Variants in KIAA1217 observed in about 807,000 individuals in gnomAD.
The protein encoded by KIAA1217 is KIAA1217.
Under a neutral mutation model 163.9 loss-of-function variants are expected in KIAA1217, and 88 were observed. The observed-to-expected ratio is 0.54, with a 90% CI of 0.45 to 0.64. KIAA1217 has a LOEUF of 0.64. Ranked by LOEUF, KIAA1217 falls within the 30% of genes least tolerant of loss-of-function variation. The pLI is 0.00. For synonymous variants in KIAA1217, 903 were observed against 923.1 expected (o/e 0.98, Z 0.39); for missense variants, 2,372 against 2,475.0 (o/e 0.96, Z 0.88).
intron 2 of KIAA1217, among the ~76,000 whole-genome samples, chr10:24,276,683 C>T (rs2077332459): frequency 6.6e-6 from 1 of 151,400 alleles, no homozygotes; most frequent in Non-Finnish European, 1.5e-5. Context: ...GATCTCGGCT[C>T]ACAGCAACCT....
intron 1 of KIAA1217, among the ~76,000 whole-genome samples, chr10:23,895,500 C>T (rs1412861789): frequency 6.6e-6 from 1 of 152,090 alleles, no homozygotes; most frequent in Admixed American, 6.6e-5. Context: ...ACAACAGGTA[C>T]TGGAGAGGAT....
At position 24,270,731 on chromosome 10, in the gene KIAA1217, G is replaced by A. The variant is rs557468726; in HGVS notation, c.354+50822G>A. 2.6e-5 allele frequency among the ~76,000 whole-genome samples: 4 copies of A among 152,132 alleles called. No homozygotes were observed. In the South Asian group the frequency reaches 8.3e-4, roughly 32 times the overall value. Reference sequence around the variant, plus strand: ...AATTTTTGTTTTATTTTTTTTAGTAGTTATGGGGTTTCACCATGTTACCCA... The same window carrying A: ...AATTTTTGTTTTATTTTTTTTAGTAATTATGGGGTTTCACCATGTTACCCA... On this transcript the variant is annotated intron_variant, in intron 2 of 20. Transcript: ENST00000376454.
chr10:24,189,935 T>C (rs1165010688), intron 2 of KIAA1217, among the ~76,000 whole-genome samples: 1 of 151,670 alleles, frequency 6.6e-6, no homozygotes, highest in Non-Finnish European at 1.5e-5. Flanking sequence ...GCAGGAAGAT[T>C]GATTGAGCCA....
At chr10:24,431,838 C>T (rs1298830680) in intron 3 of KIAA1217, among the ~76,000 whole-genome samples, 1 of 152,158 alleles carries the variant, frequency 6.6e-6, no homozygotes, top group South Asian at 2.1e-4. Flanking sequence ...CCACATACCC[C>T]CTGGGAACTC....
intron 2 of KIAA1217, among the ~76,000 whole-genome samples, chr10:24,071,424 T>C (rs1438900700): frequency 6.6e-6 from 1 of 152,124 alleles, no homozygotes; most frequent in Non-Finnish European, 1.5e-5. Flanking sequence ...TCTTAAGTAA[T>C]CTCAGCATTT....
chr10:23,910,213 G>A (rs1297522508), intron 1 of KIAA1217, among the ~76,000 whole-genome samples: 4 of 151,796 alleles, frequency 2.6e-5, no homozygotes, highest in Non-Finnish European at 5.9e-5. Flanking sequence ...TGGGTTGATG[G>A]GTGCAACAAA....
chr10:23,887,972 A>C (rs1264793154), intron 1 of KIAA1217, among the ~76,000 whole-genome samples: 1 of 151,960 alleles, frequency 6.6e-6, no homozygotes, highest in Non-Finnish European at 1.5e-5. Context: ...AAATCTCATA[A>C]ATTTTGATAC....
chr10:23,934,380 G>A (rs1460102021), intron 1 of KIAA1217, among the ~76,000 whole-genome samples: 3 of 150,936 alleles, frequency 2.0e-5, no homozygotes, highest in African/African-American at 4.9e-5. Context: ...GGGCCTGTTG[G>A]GGGGTGAGGG....
In KIAA1217 at chr10:24,097,118, C is replaced by A. The variant is rs1456075662; in HGVS notation, c.-171+89744C>A. Reference sequence around the variant, plus strand: ...CATGTGCAAGAAAGATTGGGGAAACCAACAACACTATTATAATGTAATAGG... The same window carrying A: ...CATGTGCAAGAAAGATTGGGGAAACAAACAACACTATTATAATGTAATAGG... On this transcript the variant is annotated intron_variant, in intron 2 of 18. Coordinates refer to the KIAA1217 transcript ENST00000376462. Among the ~76,000 whole-genome samples the A allele has an allele frequency of 2.0e-5, 3 of 152,036 alleles. 1 individual carries two copies. The highest frequency in any genetic ancestry group is 6.3e-3 in the Middle Eastern group (2 of 316).
intron 1 of KIAA1217, among the ~76,000 whole-genome samples, chr10:23,762,968 C>A (rs1277037314): frequency 1.3e-5 from 2 of 152,002 alleles, no homozygotes; most frequent in African/African-American, 2.4e-5. Flanking sequence ...TCCTATACAC[C>A]AATAGAGAAG....
intron 2 of KIAA1217, among the ~76,000 whole-genome samples, chr10:24,108,602 T>C (rs1436714023): frequency 6.6e-6 from 1 of 152,180 alleles, no homozygotes; most frequent in Admixed American, 6.5e-5. Context: ...GGCTTTTTTA[T>C]GGAATGATAA....
intron 2 of KIAA1217, among the ~76,000 whole-genome samples, chr10:24,172,639 A>G (rs540579961): frequency 6.6e-6 from 1 of 152,342 alleles, no homozygotes; most frequent in East Asian, 1.9e-4. Context: ...GCACATCATA[A>G]GACTATATAG....
At chr10:24,264,179 TACA>T (rs1290439055) in intron 2 of KIAA1217, among the ~76,000 whole-genome samples, 2 of 152,254 alleles carry the variant, frequency 1.3e-5, no homozygotes, top group African/African-American at 4.8e-5. Context: ...TCTAAATCCA[TACA>T]ACGAGTACAG....
At chr10:23,832,262 G>GT (rs766111936) in intron 1 of KIAA1217, among the ~76,000 whole-genome samples, 1 of 152,266 alleles carries the variant, frequency 6.6e-6, no homozygotes, top group South Asian at 2.1e-4. Context: ...ACAATTACTG[G>GT]TCTATTATAA....
At chr10:24,266,080 CTT>C (rs879826505) in intron 2 of KIAA1217, among the ~76,000 whole-genome samples, 17 of 141,036 alleles carry the variant, frequency 1.2e-4, no homozygotes, top group South Asian at 2.3e-4. Context: ...AAAGGCTGAT[CTT>C]TTTTTTTTTT....
chr10:23,995,046 G>A (rs576248425), intron 1 of KIAA1217, among the ~76,000 whole-genome samples: 2 of 152,270 alleles, frequency 1.3e-5, no homozygotes, highest in South Asian at 4.1e-4. Context: ...TCCAATCCAT[G>A]TTATTAAAAT....
At chr10:24,247,791 G>A (rs2131423509) in intron 2 of KIAA1217, among the ~76,000 whole-genome samples, 1 of 152,224 alleles carries the variant, frequency 6.6e-6, no homozygotes, top group East Asian at 1.9e-4. Context: ...ACAGAGTGAG[G>A]CTCCGTCTTA....
At chr10:24,503,511 A>T (rs1409943624) in intron 9 of KIAA1217, among the ~76,000 whole-genome samples, 1 of 152,206 alleles carries the variant, frequency 6.6e-6, no homozygotes, top group African/African-American at 2.4e-5. Context: ...ACAGCAAGTG[A>T]AATGGAGGAG....
Position 24,515,385 on chromosome 10 carries a change from T to TAA in KIAA1217, c.2177+1955_2177+1956dup, listed in dbSNP as rs1564837990. 8.0e-3 allele frequency among the ~76,000 whole-genome samples: 1,220 copies of TAA among 152,042 alleles called. 15 individuals carry two copies. Among genetic ancestry groups the TAA allele is most frequent in the African/African-American group, 0.028 (1,163 of 41,476 alleles). On this transcript the variant is annotated intron_variant, in intron 10 of 20. Coordinates refer to ENST00000376454, the MANE Select transcript of KIAA1217 (RefSeq NM_019590.5). The stretch of plus-strand genomic sequence containing the variant: ...GCCCGGCCAGTAAATTTCTTCTTTT[T>TAA]AAAAATTGTGTTTATTGGTTAGCTG...
Sources: allele counts gnomAD v4.1 joint callset (sites outside exome capture counted in the v4.1 genomes callset), GRCh38; gene constraint gnomAD v4.1.1; transcripts MANE v1.5; gene names NCBI Gene and HGNC (gene_info 2026-07-23, HGNC 2026-07-21).